The following NBAS variants were observed in gnomAD, a reference collection of about 807,000 sequenced individuals.
NBAS encodes the protein NBAS subunit of NRZ tethering complex.
NBAS carries 219 observed loss-of-function variants against 302.5 expected under a neutral mutation model. The ratio of observed to expected loss-of-function variants is 0.72; its 90% CI spans 0.65 to 0.81. The LOEUF (loss-of-function observed/expected upper bound fraction) is 0.81. NBAS is among the 30% of genes least tolerant of loss of function. NBAS has a pLI of 0.00. For missense variants in NBAS, 2,932 were observed against 2,841.6 expected, an observed-to-expected ratio of 1.03 and a Z score of -0.72; for synonymous variants, 1,118 against 1,021.6, an observed-to-expected ratio of 1.09 and a Z score of -1.80.
At position 15,374,934 on chromosome 2, in the gene NBAS, A is replaced by G. The variant is rs2049719; in HGVS notation, c.3591-214T>C. ...GCCTTTTCAGGGAGCTAAAACTGAA[A>G]CTCACAGAAGTGAAGTAATTGCCCA... On this transcript the variant is annotated intron_variant, in intron 30 of 51. Coordinates refer to ENST00000281513, the MANE Select transcript of NBAS (RefSeq NM_015909.4). Among the ~76,000 whole-genome samples, 95,015 of 152,020 alleles carry G rather than the reference A, an allele frequency of 0.63. 30,443 individuals carry two copies. The highest frequency in any genetic ancestry group is 0.68 in the Middle Eastern group (201 of 294).
chr2:15,257,400 CTTTTT>C (rs528160196), intron 44 of NBAS, among the ~76,000 whole-genome samples: 4 of 135,188 alleles, frequency 3.0e-5, no homozygotes, highest in Admixed American at 2.3e-4. Context: ...CATTTAATTT[CTTTTT>C]TTTTTTTTTT....
At chr2:15,222,168 T>C (rs900953094) in intron 47 of NBAS, among the ~76,000 whole-genome samples, 7 of 152,230 alleles carry the variant, frequency 4.6e-5, no homozygotes, top group Non-Finnish European at 8.8e-5. Context: ...GGATATCTGA[T>C]CTTTTTTGCA....
intron 38 of NBAS, among the ~76,000 whole-genome samples, chr2:15,309,668 G>A (rs981725375): frequency 1.2e-4 from 18 of 152,146 alleles, no homozygotes; most frequent in African/African-American, 4.1e-4. Context: ...CAAATTTAGA[G>A]TAAATCTTTT....
At chr2:15,311,230 G>C (rs1467350796) in intron 38 of NBAS, among the ~76,000 whole-genome samples, 2 of 152,172 alleles carry the variant, frequency 1.3e-5, no homozygotes, top group East Asian at 3.8e-4. Flanking sequence ...CTATAAAGTA[G>C]CCTCATGTCA....
intron 9 of NBAS, among the ~76,000 whole-genome samples, chr2:15,513,292 C>T (rs1662227626): frequency 6.6e-6 from 1 of 152,140 alleles, no homozygotes; most frequent in Admixed American, 6.5e-5. Context: ...TTGTTCCTAC[C>T]CTAAGCAAAT....
At position 15,378,610 on chromosome 2, in the gene NBAS, A is replaced by G. The variant is rs116318135; in HGVS notation, c.3590+992T>C. Among the ~76,000 whole-genome samples the G allele has an allele frequency of 7.5e-3, 1,148 of 152,302 alleles. 13 individuals carry two copies. Among genetic ancestry groups the G allele is most frequent in the African/African-American group, 0.022 (924 of 41,570 alleles). ...GCTAAGAACACTTCCATTAGCCTAC[A>G]GTTTGGCTAGGCTTTTAATCATCTA... On this transcript the variant is annotated intron_variant, in intron 30 of 51. Coordinates refer to ENST00000281513, the MANE Select transcript of NBAS (RefSeq NM_015909.4).
intron 48 of NBAS, among the ~76,000 whole-genome samples, chr2:15,203,850 CTGTG>C (rs1163629239): frequency 1.4e-5 from 2 of 143,182 alleles, no homozygotes; most frequent in African/African-American, 5.3e-5. Context: ...GGTGGCATGT[CTGTG>C]TGTGTGTGTC....
chr2:15,033,147 G>A, the NBAS span, among the ~76,000 whole-genome samples: 1 of 152,242 alleles, frequency 6.6e-6, no homozygotes, highest in Middle Eastern at 3.2e-3. Flanking sequence ...TCAGACCAAA[G>A]AAGATTATTC....
intron 44 of NBAS, among the ~76,000 whole-genome samples, chr2:15,270,242 G>A (rs1392065441): frequency 6.6e-6 from 1 of 152,108 alleles, no homozygotes; most frequent in Non-Finnish European, 1.5e-5. Context: ...TCGGGTCAGT[G>A]CAGCCTCCGA....
chr2:15,030,467 C>T, the NBAS span, among the ~76,000 whole-genome samples: 9 of 152,112 alleles, frequency 5.9e-5, no homozygotes, highest in African/African-American at 2.2e-4. Context: ...GATGAGTTTC[C>T]CAGGCACAAG....
At chr2:15,482,420 A>G (rs903481084) in intron 12 of NBAS, among the ~76,000 whole-genome samples, 1 of 152,140 alleles carries the variant, frequency 6.6e-6, no homozygotes, top group Non-Finnish European at 1.5e-5. Context: ...ACCCAACCAG[A>G]GCCTTCATTT....
At chr2:14,815,439 T>A in the NBAS span, among the ~76,000 whole-genome samples, 1 of 152,210 alleles carries the variant, frequency 6.6e-6, no homozygotes, top group Admixed American at 6.5e-5. Context: ...GCACTCACAC[T>A]TTGTTGTCAG....
chr2:15,139,552 T>C, the NBAS span, among the ~76,000 whole-genome samples: 2 of 152,078 alleles, frequency 1.3e-5, no homozygotes, highest in Non-Finnish European at 2.9e-5. Flanking sequence ...ATACACACTA[T>C]ATAAAAACCA....
intron 21 of NBAS, among the ~76,000 whole-genome samples, chr2:15,441,310 G>C (rs1235830413): frequency 2.0e-5 from 3 of 152,044 alleles, no homozygotes; most frequent in Non-Finnish European, 4.4e-5. Flanking sequence ...CGGATCTCTC[G>C]GCAGAAACTC....
At chr2:15,141,920 G>A in the NBAS span, among the ~76,000 whole-genome samples, 1,889 of 152,190 alleles carry the variant, frequency 0.012, 20 homozygotes, top group Admixed American at 0.02. Flanking sequence ...TCCCCTTCCT[G>A]GAAAGAGAAA....
chr2:15,440,825 C>G lies in NBAS; in HGVS notation c.2340-13031G>C, dbSNP rs1323074202. ...GAAGTGCTTAAAGGAGCTGATGGAG[C>G]TGAAAGCCAAGGCTGGAGAACTACG... On this transcript the variant is annotated intron_variant, in intron 21 of 51. Coordinates refer to ENST00000281513, the MANE Select transcript of NBAS (RefSeq NM_015909.4). Among the ~76,000 whole-genome samples the G allele has an allele frequency of 2.0e-5, 3 of 151,906 alleles. 1 individual carries two copies. Among genetic ancestry groups the G allele is most frequent in the African/African-American group, 7.3e-5 (3 of 41,292 alleles).
intron 25 of NBAS, among the ~76,000 whole-genome samples, chr2:15,412,668 T>C (rs80335693): frequency 0.014 from 2,057 of 152,164 alleles, 32 homozygotes; most frequent in East Asian, 0.059. Flanking sequence ...AGCAAACAAA[T>C]GTAATCAAGT....
chr2:15,236,889 TC>T (rs1667620785), intron 45 of NBAS, among the ~76,000 whole-genome samples: 2 of 152,132 alleles, frequency 1.3e-5, no homozygotes, highest in Admixed American at 6.5e-5. Context: ...GAATAAAATT[TC>T]TTTCAAAATT....
At chr2:15,440,671 T>C (rs980528506) in intron 21 of NBAS, among the ~76,000 whole-genome samples, 2 of 152,296 alleles carry the variant, frequency 1.3e-5, no homozygotes, top group East Asian at 1.9e-4. Context: ...ATGACTTTGA[T>C]GAGTTGAGAG....
Sources: allele counts gnomAD v4.1 joint callset (sites outside exome capture counted in the v4.1 genomes callset), GRCh38; gene constraint gnomAD v4.1.1; transcripts MANE v1.5; gene names NCBI Gene and HGNC (gene_info 2026-07-23, HGNC 2026-07-21).